The following COL25A1 variants were observed in gnomAD, a reference collection of about 807,000 sequenced individuals.
COL25A1 encodes the protein collagen alpha-1(XXV) chain.
COL25A1 carries 103 observed loss-of-function variants against 128.4 expected under a neutral mutation model. The observed-to-expected ratio is 0.80, with a 90% CI of 0.68 to 0.94. The LOEUF is 0.94. Among genes scored for constraint, COL25A1 ranks in the 40% least tolerant of loss-of-function variants. The pLI is 0.00. For synonymous variants in COL25A1, 279 were observed against 277.2 expected (o/e 1.01, Z -0.06); for missense variants, 745 against 840.0 (o/e 0.89, Z 1.40).
chr4:108,943,237 A>T (rs1012776706), intron 8 of COL25A1, among the ~76,000 whole-genome samples: 1 of 152,212 alleles, frequency 6.6e-6, no homozygotes, highest in Non-Finnish European at 1.5e-5. Context: ...CAAAATGGAG[A>T]TAACTATAGA....
At chr4:109,104,423 T>TC (rs1766213150) in intron 3 of COL25A1, among the ~76,000 whole-genome samples, 3 of 152,074 alleles carry the variant, frequency 2.0e-5, no homozygotes, top group African/African-American at 7.2e-5. Flanking sequence ...TCTCTCTTTT[T>TC]TGCAATCTGT....
chr4:109,269,219 G>A (rs940330339), intron 3 of COL25A1, among the ~76,000 whole-genome samples: 4 of 151,702 alleles, frequency 2.6e-5, no homozygotes, highest in African/African-American at 9.7e-5. Context: ...CACTGAGAAT[G>A]ATGGTTTCCA....
At chr4:109,007,047 T>A (rs1352303644) in intron 6 of COL25A1, among the ~76,000 whole-genome samples, 1 of 152,190 alleles carries the variant, frequency 6.6e-6, no homozygotes, top group African/African-American at 2.4e-5. Context: ...CCTGCATATG[T>A]AACCCTGAAC....
chr4:109,237,583 C>T (rs1779557585), intron 3 of COL25A1, among the ~76,000 whole-genome samples: 1 of 141,862 alleles, frequency 7.0e-6, no homozygotes, highest in Admixed American at 7.1e-5. Context: ...TACTAATGCA[C>T]AGAATGTATA....
intron 3 of COL25A1, among the ~76,000 whole-genome samples, chr4:109,080,122 G>T (rs1763711578): frequency 6.6e-6 from 1 of 152,078 alleles, no homozygotes; most frequent in Admixed American, 6.5e-5. Flanking sequence ...TAAGCCATGT[G>T]CCAGGTACTG....
At chr4:108,842,598 G>A (rs1192884388) in intron 30 of COL25A1, among the ~76,000 whole-genome samples, 2 of 152,130 alleles carry the variant, frequency 1.3e-5, no homozygotes, top group Non-Finnish European at 2.9e-5. Context: ...TGTTACATAT[G>A]TCCACATTAG....
intron 5 of COL25A1, among the ~76,000 whole-genome samples, chr4:109,014,333 T>A (rs561300141): frequency 3.3e-5 from 5 of 152,162 alleles, no homozygotes; most frequent in African/African-American, 1.2e-4. Flanking sequence ...AACATGAATA[T>A]TTTATAGAAT....
intron 3 of COL25A1, among the ~76,000 whole-genome samples, chr4:109,140,543 T>C (rs1236455021): frequency 1.3e-5 from 2 of 152,222 alleles, no homozygotes; most frequent in African/African-American, 2.4e-5. Flanking sequence ...ATTTTCATGA[T>C]ATTGATTCTT....
rs60165291 is a variant in COL25A1, at chr4:109,083,448, A to ATTTTTTTTTTTTTTT, written c.368-33284_368-33270dup. ...CACCAATAACTTTTACACTAAATAA[A>ATTTTTTTTTTTTTTT]TTTTTTTTTTTTTTTTTTTTTTTTT... On this transcript the variant is annotated intron_variant, in intron 3 of 37. Transcript: ENST00000399132. Among the ~76,000 whole-genome samples the ATTTTTTTTTTTTTTT allele has an allele frequency of 1.4e-4, 11 of 77,056 alleles. 1 individual carries two copies. The highest frequency in any genetic ancestry group is 1.7e-4 in the Non-Finnish European group (7 of 40,596). The allele number at this position is 77,056 out of a possible 152,430, so 50.6% of individuals were successfully genotyped here.
intron 11 of COL25A1, chr4:108,920,958 G>A (rs1745429989): frequency 5.6e-6 from 1 of 178,296 alleles, no homozygotes; most frequent in South Asian, 1.9e-4. Context: ...CAGTTAAAAT[G>A]CAATGTAGTT....
chr4:109,015,698 C>A (rs1479828953), intron 5 of COL25A1, among the ~76,000 whole-genome samples: 1 of 152,050 alleles, frequency 6.6e-6, no homozygotes, highest in African/African-American at 2.4e-5. Flanking sequence ...GTAATCAGAA[C>A]AGCAAAATGG....
chr4:108,984,240 A>T (rs1753392127), intron 6 of COL25A1, among the ~76,000 whole-genome samples: 1 of 152,198 alleles, frequency 6.6e-6, no homozygotes, highest in African/African-American at 2.4e-5. Context: ...AGGTAGATAC[A>T]GAGTGCCAAT....
At chr4:108,999,747 A>C (rs1237195386) in intron 6 of COL25A1, among the ~76,000 whole-genome samples, 1 of 152,344 alleles carries the variant, frequency 6.6e-6, no homozygotes, top group South Asian at 2.1e-4. Flanking sequence ...CTGGATTAAG[A>C]AAATGTGGCA....
chr4:108,837,269 T>C (rs899502453), intron 31 of COL25A1, among the ~76,000 whole-genome samples: 4 of 152,172 alleles, frequency 2.6e-5, no homozygotes, highest in Admixed American at 6.5e-5. Flanking sequence ...ACATTTCAAA[T>C]TGTGTATAAA....
rs114777138 is a variant in COL25A1 at position 109,024,658 on chromosome 4, T to C, written c.421-14283A>G. Among the ~76,000 whole-genome samples the C allele has an allele frequency of 9.8e-3, 1,499 of 152,296 alleles. 28 individuals are homozygous for C. The highest frequency in any genetic ancestry group is 0.033 in the African/African-American group (1,385 of 41,572). On this transcript the variant is annotated intron_variant, in intron 5 of 37. Coordinates refer to ENST00000399132, the MANE Select transcript of COL25A1 (RefSeq NM_198721.4). The stretch of plus-strand genomic sequence containing the variant: ...CCCATCTCATGATTACAAAAATATA[T>C]TGTCACATGATAACTAATTAACTGC...
chr4:109,016,622 G>A (rs1220966192), intron 5 of COL25A1, among the ~76,000 whole-genome samples: 1 of 152,086 alleles, frequency 6.6e-6, no homozygotes, highest in African/African-American at 2.4e-5. Context: ...ACACAGACAT[G>A]GGGACTACCA....
chr4:109,016,936 C>T (rs944937431), intron 5 of COL25A1, among the ~76,000 whole-genome samples: 2 of 152,226 alleles, frequency 1.3e-5, no homozygotes, highest in African/African-American at 4.8e-5. Context: ...AGAGCTGTAA[C>T]ACAGAGCTTA....
At chr4:109,004,868 G>A (rs116675479) in intron 6 of COL25A1, among the ~76,000 whole-genome samples, 1,925 of 152,162 alleles carry the variant, frequency 0.013, 21 homozygotes, top group South Asian at 0.034. Flanking sequence ...TATTTATAAC[G>A]ATGCAAGAAC....
chr4:108,845,714 A>G lies in COL25A1; in HGVS notation c.1515+425T>C, dbSNP rs550242851. On this transcript the variant is annotated intron_variant, in intron 28 of 37. Transcript: ENST00000399132. ...CAAATTCTCAGTTAGAATTACGGGG[A>G]AAACCATAAAACACCATCCCATAGT... 5.3e-4 allele frequency among the ~76,000 whole-genome samples: 80 copies of G among 152,308 alleles called. No homozygotes were observed. In the South Asian group the frequency reaches 0.016, roughly 31 times the overall value.
Sources: allele counts gnomAD v4.1 joint callset (sites outside exome capture counted in the v4.1 genomes callset), GRCh38; gene constraint gnomAD v4.1.1; transcripts MANE v1.5; gene names NCBI Gene and HGNC (gene_info 2026-07-23, HGNC 2026-07-21).